SPINT2: variants seen among roughly 807,000 people sequenced by gnomAD.
SPINT2 encodes the protein serine peptidase inhibitor, Kunitz type 2, also known as kunitz-type protease inhibitor 2.
A neutral mutation model predicts 30.1 loss-of-function variants in SPINT2; 18 were observed. The observed-to-expected ratio is 0.60, with a 90% CI of 0.41 to 0.89. SPINT2 has a LOEUF of 0.89. Among genes scored for constraint, SPINT2 ranks in the 40% least tolerant of loss-of-function variants. The pLI is 0.00. For synonymous variants in SPINT2, 139 were observed against 137.9 expected (o/e 1.01, Z -0.05); for missense variants, 276 against 334.3 (o/e 0.83, Z 1.36).
intron 1 of SPINT2, among the ~76,000 whole-genome samples, chr19:38,279,235 G>A (rs1477572081): frequency 1.3e-5 from 2 of 150,652 alleles, no homozygotes; most frequent in Non-Finnish European, 3.0e-5. Context: ...GCGGTGGCTC[G>A]TGCCTGTAAA....
chr19:38,280,666 A>G (rs1968570300), intron 1 of SPINT2, among the ~76,000 whole-genome samples: 1 of 152,166 alleles, frequency 6.6e-6, no homozygotes, highest in Non-Finnish European at 1.5e-5. Flanking sequence ...CCTCAGGCAC[A>G]TGCCACGTGT....
At chr19:38,280,326 A>C (rs943876145) in intron 1 of SPINT2, among the ~76,000 whole-genome samples, 8 of 152,238 alleles carry the variant, frequency 5.3e-5, no homozygotes, top group African/African-American at 1.9e-4. Context: ...CTTAGGAATC[A>C]TACAGTAAAC....
intron 1 of SPINT2, among the ~76,000 whole-genome samples, chr19:38,268,758 C>CGT (rs1395415127): frequency 2.1e-5 from 3 of 139,640 alleles, no homozygotes; most frequent in Non-Finnish European, 3.2e-5. Flanking sequence ...AGAGAGCATG[C>CGT]GCGCGCGCGT....
intron 6 of SPINT2, chr19:38,291,601 C>T (rs1019738255): frequency 1.7e-5 from 9 of 543,178 alleles, no homozygotes; most frequent in African/African-American, 1.5e-4. Context: ...CTGCTGGCGA[C>T]ACGGCCACTC....
rs188320943 is a variant in SPINT2 at position 38,271,498 on chromosome 19, A to T, written c.106+6500A>T. ...CAGAGCAAGACTCTCTCAAAAAAAA[A>T]AAAAATGTTATGCTAAGTGAGAGGA... On this transcript the variant is annotated intron_variant, in intron 1 of 6. Transcript: ENST00000301244. Among the ~76,000 whole-genome samples the T allele has an allele frequency of 2.1e-4, 32 of 151,020 alleles. No individual in the cohort carries two copies. In the East Asian group the frequency reaches 6.3e-3, roughly 30 times the overall value.
rs957654038 is a variant in SPINT2, at chr19:38,290,072, C to T, written c.392-47C>T. ...GGCACTTTCTGGCTTGCTTCCCCTC[C>T]TTGCGGGCCCTACTAATTTGTATTC... On this transcript the variant is annotated intron_variant, in intron 4 of 6. Coordinates refer to ENST00000301244, the MANE Select transcript of SPINT2 (RefSeq NM_021102.4). The surrounding 1 kb of genome is among the most constrained non-coding windows in gnomAD (Gnocchi z 4.3). 32 of 1,610,258 alleles carry T rather than the reference C, an allele frequency of 2.0e-5. No individual in the cohort carries two copies. Among genetic ancestry groups the T allele is most frequent in the Admixed American group, 1.0e-4 (6 of 59,998 alleles).
Position 38,269,744 on chromosome 19 carries a change from GGA to G in SPINT2, c.106+4747_106+4748del, listed in dbSNP as rs1349777845. ...TCCTGCCTCAGCCTCCCGAGTACTG[GGA>G]CTACAGGCACCTGCCGCCACGCCCG... On this transcript the variant is annotated intron_variant, in intron 1 of 6. Transcript: ENST00000301244. Among the ~76,000 whole-genome samples the G allele has an allele frequency of 2.0e-5, 3 of 151,928 alleles. No homozygotes were observed. The East Asian group carries it at 5.8e-4, about 29-fold the overall frequency.
chr19:38,280,731 A>G (rs536007767), intron 1 of SPINT2, among the ~76,000 whole-genome samples: 34 of 112,116 alleles, frequency 3.0e-4, no homozygotes, highest in Admixed American at 1.4e-3. Context: ...ACTGTGGGTC[A>G]CCCTGCTTCA....
chr19:38,265,028 G>C (rs187621179), intron 1 of SPINT2, 30 bp downstream of exon 1: 114 of 1,517,620 alleles, frequency 7.5e-5, no homozygotes, highest in Middle Eastern at 4.2e-4. Context: ...GCTGGAGGCG[G>C]GGCGCAGGGG....
chr19:38,277,326 T>C (rs1310696217), intron 1 of SPINT2, among the ~76,000 whole-genome samples: 3 of 152,016 alleles, frequency 2.0e-5, no homozygotes, highest in African/African-American at 7.2e-5. Context: ...GCTCACTGCA[T>C]CCTCTGCCTC....
chr19:38,289,085 G>T, intron 3 of SPINT2, 53 bp from the exon 4 acceptor site: 1 of 1,562,192 alleles, frequency 6.4e-7, no homozygotes, highest in Non-Finnish European at 8.8e-7. Context: ...ACCCAGCTAG[G>T]CCTGTGTCCT....
chr19:38,286,576 C>T (rs1968643713), intron 2 of SPINT2, among the ~76,000 whole-genome samples: 2 of 152,184 alleles, frequency 1.3e-5, no homozygotes, highest in African/African-American at 2.4e-5. Flanking sequence ...GTCAGGAGAT[C>T]GAGACCATCC....
intron 1 of SPINT2, among the ~76,000 whole-genome samples, chr19:38,276,831 C>T (rs953382175): frequency 5.9e-5 from 9 of 151,968 alleles, no homozygotes; most frequent in Admixed American, 6.6e-5. Flanking sequence ...AACAAAGTCT[C>T]GCTTTGTTGC....
At chr19:38,278,430 G>T (rs1158250755) in intron 1 of SPINT2, among the ~76,000 whole-genome samples, 1 of 152,230 alleles carries the variant, frequency 6.6e-6, no homozygotes, top group African/African-American at 2.4e-5. Flanking sequence ...ATTCTCGTTT[G>T]TAAAGCGGAG....
chr19:38,277,275 GGTCTCT>G (rs1968531346), intron 1 of SPINT2, among the ~76,000 whole-genome samples: 1 of 151,282 alleles, frequency 6.6e-6, no homozygotes, highest in Non-Finnish European at 1.5e-5. Flanking sequence ...TTTGAGATGA[GGTCTCT>G]GTCACCCAGG....
chr19:38,276,906 T>C (rs1968525652), intron 1 of SPINT2, among the ~76,000 whole-genome samples: 1 of 151,334 alleles, frequency 6.6e-6, no homozygotes, highest in Admixed American at 6.6e-5. Flanking sequence ...GTTCAAGCGA[T>C]TCTCCTGCCT....
At chr19:38,274,287 TC>T (rs550719373) in intron 1 of SPINT2, among the ~76,000 whole-genome samples, 247 of 152,234 alleles carry the variant, frequency 1.6e-3, no homozygotes, top group African/African-American at 5.7e-3. Flanking sequence ...GATTAAAAAC[TC>T]CTTTAATCTT....
At chr19:38,283,864 C>T (rs1361874301) in intron 2 of SPINT2, 67 bp downstream of exon 2, 395 of 1,095,900 alleles carry the variant, frequency 3.6e-4, no homozygotes, top group South Asian at 4.8e-4. Flanking sequence ...TTTTTTGAGA[C>T]GGAGTCTTGC....
rs547218725 is a variant in SPINT2, at chr19:38,287,101, A to G, written c.278-775A>G. ...GTCAATGGTGTGATCTCGGCTCACT[A>G]CAACCTCTGCCTCCCAGGTTCAGGC... On this transcript the variant is annotated intron_variant, in intron 2 of 6. Coordinates refer to ENST00000301244, the MANE Select transcript of SPINT2 (RefSeq NM_021102.4). 1.1e-4 allele frequency among the ~76,000 whole-genome samples: 16 copies of G among 151,584 alleles called. No homozygotes were observed. The East Asian group carries it at 3.1e-3, about 30-fold the overall frequency.
Sources: gnomAD v4.1 joint callset for allele counts (sites outside exome capture counted in the v4.1 genomes callset) on GRCh38, gnomAD v4.1.1 for gene constraint, Gnocchi (gnomAD v3.1) non-coding constraint, MANE v1.5 for transcripts, NCBI Gene and HGNC (gene_info 2026-07-23, HGNC 2026-07-21) for gene names.